The following BPIFB4 variants were observed in gnomAD, a reference collection of about 807,000 sequenced individuals.
BPIFB4 encodes the protein BPI fold containing family B member 4, also known as BPI fold-containing family B member 4.
Under a neutral mutation model 69.2 loss-of-function variants are expected in BPIFB4, and 62 were observed. The ratio of observed to expected loss-of-function variants is 0.90; its 90% confidence interval spans 0.73 to 1.11. The LOEUF (loss-of-function observed/expected upper bound fraction) is 1.11, where lower values mean the gene tolerates loss of function less well. Among genes scored for constraint, BPIFB4 ranks in the 50% least tolerant of loss-of-function variants. The probability of loss-of-function intolerance (pLI) is 0.00; values close to 1 mark genes in which losing one functional copy is unlikely to be tolerated. For missense variants in BPIFB4, 789 were observed against 792.0 expected, an observed-to-expected ratio of 1.00 and a Z score of 0.04; for synonymous variants, 330 against 332.7, an observed-to-expected ratio of 0.99 and a Z score of 0.09.
intron 17 of BPIFB4, among the ~76,000 whole-genome samples, chr20:33,108,423 C>CTATATATATATATATA (rs756747954): frequency 0.016 from 2,024 of 125,610 alleles, 72 homozygotes; most frequent in African/African-American, 0.027. Context: ...ATATATATGT[C>CTATATATATATATATA]TATATATATA....
chr20:33,107,767 C>T lies in BPIFB4; in HGVS notation c.1768C>T (p.Leu590Phe), dbSNP rs375439237. 1.2e-6 allele frequency: 2 copies of T among 1,614,048 alleles called. No homozygotes were observed. Among genetic ancestry groups the T allele is most frequent in the African/African-American group, 2.7e-5 (2 of 74,938 alleles). Residue 590 changes from leucine to phenylalanine, a missense_variant, in exon 17 of 18, where the codon CTC (leucine) becomes TTC (phenylalanine). Leu to Phe is a conservative substitution (Grantham distance 22). Transcript: ENST00000375483. ...AGCTGTGCTGGGTTCTGGCGTCCCTCTCCCCAAAATCCTCAACATCGACTT... is the reference window on the plus strand; with the variant it reads ...AGCTGTGCTGGGTTCTGGCGTCCCTTTCCCCAAAATCCTCAACATCGACTT... ...MNAVLGSGVP[L>F]PKILNIDFSN...
chr20:33,104,778 G>T, intron 15 of BPIFB4, 32 bp from the exon 16 acceptor site: 1 of 1,610,560 alleles, frequency 6.2e-7, no homozygotes, highest in Non-Finnish European at 8.5e-7. Context: ...CAAACCCCCT[G>T]CCCAGGCTCT....
At position 33,102,582 on chromosome 20, in the gene BPIFB4, C is replaced by T. The variant is rs371200368; in HGVS notation, c.1638-390C>T. Among the ~76,000 whole-genome samples the T allele has an allele frequency of 1.1e-4, 16 of 152,340 alleles. 1 individual carries two copies. In the East Asian group the frequency reaches 1.5e-3, roughly 15 times the overall value. ...CCACTGGAGGGCTGGAAGGATTACA[C>T]GAGGTGATGGTGATCACTCATGCAC... On this transcript the variant is annotated intron_variant, in intron 14 of 17. Transcript: ENST00000375483.
Position 33,088,974 on chromosome 20 carries a change from C to T in BPIFB4, c.935C>T (p.Pro312Leu). 6.2e-7 allele frequency: 1 copy of T among 1,613,868 alleles called. No individual in the cohort carries two copies. Among genetic ancestry groups the T allele is most frequent in the Non-Finnish European group, 8.5e-7 (1 of 1,179,784 alleles). The change falls in exon 8 of 18, where the codon CCC (proline) becomes CTC (leucine). Residue 312 changes from proline (P) to leucine (L), a missense_variant. By Grantham distance (98) the Pro-to-Leu change is moderately conservative. Coordinates refer to ENST00000375483, the MANE Select transcript of BPIFB4 (RefSeq NM_182519.3). ...TGCTCCTGTCTCCTTAGGCTTCTCC[C>T]CAATCTCGTGGACAATTTAGTGAAC... ...IKVKLLRGLL[P>L]NLVDNLVNRV...
At position 33,091,384 on chromosome 20, in the gene BPIFB4, T is replaced by C. The variant is rs531015721; in HGVS notation, c.1143+585T>C. 3.3e-5 allele frequency among the ~76,000 whole-genome samples: 5 copies of C among 152,358 alleles called. No individual in the cohort carries two copies. The South Asian group carries it at 1.0e-3, about 32-fold the overall frequency. Reference sequence around the variant, plus strand: ...GTGGATGCAGAGTTGGGAAGAGATGTGTGAAATCTGACCATGTGAGGTGGT... The same window carrying C: ...GTGGATGCAGAGTTGGGAAGAGATGCGTGAAATCTGACCATGTGAGGTGGT... On this transcript the variant is annotated intron_variant, in intron 10 of 17. Coordinates refer to ENST00000375483, the MANE Select transcript of BPIFB4 (RefSeq NM_182519.3).
intron 15 of BPIFB4, 85 bp downstream of exon 15, chr20:33,103,099 C>G (rs763282754): frequency 3.0e-5 from 45 of 1,477,614 alleles, no homozygotes; most frequent in Non-Finnish European, 4.0e-5. Flanking sequence ...TCCTGTGAGG[C>G]TGGCTGGGCA....
intron 17 of BPIFB4, among the ~76,000 whole-genome samples, chr20:33,109,791 CA>C (rs1252176109): frequency 6.6e-6 from 1 of 152,120 alleles, no homozygotes; most frequent in African/African-American, 2.4e-5. Flanking sequence ...GGAGATAACA[CA>C]AATGCCTGTA....
At chr20:33,108,044 A>AG (rs1442052956) in intron 17 of BPIFB4, among the ~76,000 whole-genome samples, 7 of 152,194 alleles carry the variant, frequency 4.6e-5, no homozygotes, top group Non-Finnish European at 8.8e-5. Flanking sequence ...CCCTCACCAC[A>AG]GGTGTCATTG....
In BPIFB4 at chr20:33,090,727, A is replaced by G. The variant is rs748162497; in HGVS notation, c.1071A>G (p.Ile357Met). The change falls in exon 10 of 18, where the codon ATA (isoleucine) becomes ATG (methionine). Residue 357 changes from isoleucine to methionine, a missense_variant. Ile to Met is a conservative substitution (Grantham distance 10). Around this residue, in one of 3 missense-constraint regions of BPIFB4, gnomAD observed 611 missense variants for 575.4 expected, o/e 1.06. Coordinates refer to ENST00000375483, the MANE Select transcript of BPIFB4 (RefSeq NM_182519.3). ...CTGCAGCTCTGATTCCTCTGGGGAT[A>G]TTGGGAAGTGTCCAGTACACCTTCT... ...GLVDSLIPLG[I>M]LGSVQYTFSS... 1.9e-6 allele frequency: 3 copies of G among 1,614,130 alleles called. No individual in the cohort carries two copies. Among genetic ancestry groups the G allele is most frequent in the Non-Finnish European group, 8.5e-7 (1 of 1,180,000 alleles).
At position 33,111,587 on chromosome 20, in the gene BPIFB4, A is replaced by T; in HGVS notation, c.*150A>T. 1.1e-6 allele frequency: 1 copy of T among 935,970 alleles called. No homozygotes were observed. Among genetic ancestry groups the T allele is most frequent in the Non-Finnish European group, 1.6e-6 (1 of 611,222 alleles). The allele number at this position is 935,970 out of a possible 1,614,324, so 58.0% of individuals were successfully genotyped here. On this transcript the variant is annotated 3_prime_UTR_variant, in exon 18 of 18. Transcript: ENST00000375483. ...CCCAACCCTCTTCCTCCCTTGCCCCAACCCTGAGAAAGGGTCCAGCCACTA... is the reference window on the plus strand; with the variant it reads ...CCCAACCCTCTTCCTCCCTTGCCCCTACCCTGAGAAAGGGTCCAGCCACTA...
chr20:33,100,125 C>A (rs1981867186), intron 13 of BPIFB4, among the ~76,000 whole-genome samples: 1 of 152,156 alleles, frequency 6.6e-6, no homozygotes, highest in South Asian at 2.1e-4. Context: ...GTGACTGTTG[C>A]CTTACTGAGA....
chr20:33,095,750 C>T (rs1456786242), intron 12 of BPIFB4, among the ~76,000 whole-genome samples: 1 of 152,086 alleles, frequency 6.6e-6, no homozygotes, highest in Non-Finnish European at 1.5e-5. Flanking sequence ...GGAGTCTGCA[C>T]CAAGGCAAGG....
chr20:33,102,522 C>T (rs1263118424), intron 14 of BPIFB4, among the ~76,000 whole-genome samples: 1 of 152,224 alleles, frequency 6.6e-6, no homozygotes, highest in Non-Finnish European at 1.5e-5. Flanking sequence ...CCCTCCCTGG[C>T]TCTGTGGCTG....
chr20:33,080,554 T>C lies in BPIFB4; in HGVS notation c.-38T>C, dbSNP rs2146400068. 6.6e-6 allele frequency: 1 copy of C among 152,382 alleles called. No homozygotes were observed. Among genetic ancestry groups the C allele is most frequent in the East Asian group, 1.9e-4 (1 of 5,190 alleles). 9.4% of individuals were successfully genotyped at this position (152,382 alleles called of 1,614,324 possible). A position where few individuals can be genotyped will look rare whatever the true frequency, so the allele number is the denominator to read the frequency against. On this transcript the variant is annotated 5_prime_UTR_variant, in exon 2 of 18. Transcript: ENST00000375483. Reference sequence around the variant, plus strand: ...TGTATGAGATACAACTTGTTTGTGATTTGGGAGCAGAAGTTCAAAAAGGTA... The same window carrying C: ...TGTATGAGATACAACTTGTTTGTGACTTGGGAGCAGAAGTTCAAAAAGGTA...
rs1280658169 is a variant in BPIFB4, at chr20:33,092,610, T to A, written c.1296T>A (p.Thr432=). 5.0e-6 allele frequency: 8 copies of A among 1,613,404 alleles called. No individual in the cohort carries two copies. Among genetic ancestry groups the A allele is most frequent in the Non-Finnish European group, 6.8e-6 (8 of 1,180,028 alleles). Residue 432 remains threonine, a synonymous_variant, in exon 11 of 18, where the codon ACT becomes ACA. Transcript: ENST00000375483. ...MSANFLGSVL[T]LLQKQHALDL... ...CCAACTTCCTGGGCTCAGTGCTGAC[T>A]CTACTGCAGAAGCAGCATGCTCTAG...
At position 33,090,702 on chromosome 20, in the gene BPIFB4, C is replaced by T. The variant is rs750962748; in HGVS notation, c.1052-6C>T. The T allele has an allele frequency of 6.8e-6, 11 of 1,614,018 alleles. No homozygotes were observed. Among genetic ancestry groups the T allele is most frequent in the Middle Eastern group, 3.3e-4 (2 of 6,054 alleles). ...ACCTCCCTGTGACCCTCTCCTTTGC[C>T]TGCAGCTCTGATTCCTCTGGGGATA... On this transcript the variant is annotated splice_polypyrimidine_tract_variant and splice_region_variant and intron_variant, in intron 9 of 17. Transcript: ENST00000375483.
chr20:33,094,514 T>C (rs916543547), intron 11 of BPIFB4, among the ~76,000 whole-genome samples: 128 of 151,310 alleles, frequency 8.5e-4, no homozygotes, highest in East Asian at 5.8e-4. Context: ...TTCTTTCTTT[T>C]TTTTTTTTTT....
chr20:33,103,124 A>T, intron 15 of BPIFB4, 110 bp downstream of exon 15: 2 of 1,239,366 alleles, frequency 1.6e-6, no homozygotes, highest in Middle Eastern at 5.1e-4. Context: ...GAGTTTGTGA[A>T]TTCCAAAGTG....
chr20:33,083,583 C>A lies in BPIFB4; in HGVS notation c.386C>A (p.Ala129Glu), dbSNP rs1981317304. The A allele has an allele frequency of 6.2e-7, 1 of 1,614,074 alleles. No homozygotes were observed. The highest frequency in any genetic ancestry group is 8.5e-7 in the Non-Finnish European group (1 of 1,180,000). ...AGTGGCTATCGCAGTGCCGAGAATG[C>A]ATATGGAGGCCACAGGGGCCTCGGG... ...RNSGYRSAEN[A>E]YGGHRGLGRY... The change falls in exon 5 of 18, where the codon GCA (alanine) becomes GAA (glutamate). Residue 129 changes from alanine to glutamate, a missense_variant. Physicochemically the swap from Ala to Glu is moderately radical, Grantham distance 107. Transcript: ENST00000375483.
Sources: allele counts gnomAD v4.1 joint callset (sites outside exome capture counted in the v4.1 genomes callset), GRCh38; gene constraint gnomAD v4.1.1; regional missense constraint gnomAD v4.1.1; transcripts MANE v1.5; gene names NCBI Gene and HGNC (gene_info 2026-07-23, HGNC 2026-07-21).